CPLANE1: variants seen among roughly 807,000 people sequenced by gnomAD.
CPLANE1 encodes the protein ciliogenesis and planar polarity effector complex subunit 1, also known as ciliogenesis and planar polarity effector 1.
Under a neutral mutation model 362.5 loss-of-function variants are expected in CPLANE1, and 263 were observed. That is an observed-to-expected ratio of 0.73 (90% confidence interval 0.66 to 0.80). CPLANE1 has a LOEUF of 0.80. Ranked by LOEUF, CPLANE1 falls within the 30% of genes least tolerant of loss-of-function variation. The pLI, the probability that CPLANE1 is intolerant of heterozygous loss-of-function variation, is 0.00. For missense variants in CPLANE1, 3,461 were observed against 3,793.4 expected (o/e 0.91, Z 2.30); for synonymous variants, 1,212 against 1,302.6 (o/e 0.93, Z 1.50).
chr5:37,184,123 T>A (rs977437703), intron 25 of CPLANE1, among the ~76,000 whole-genome samples: 2 of 152,174 alleles, frequency 1.3e-5, no homozygotes, highest in African/African-American at 4.8e-5. Context: ...CCCGCTCAGC[T>A]CCCCTAATAC....
At chr5:37,119,493 A>C (rs1232312511) in intron 50 of CPLANE1, among the ~76,000 whole-genome samples, 3 of 151,754 alleles carry the variant, frequency 2.0e-5, no homozygotes, top group African/African-American at 7.3e-5. Context: ...CAACATGGAG[A>C]AACCCCATCT....
downstream of CPLANE1, among the ~76,000 whole-genome samples, chr5:37,103,791 T>C (rs1215049552): frequency 1.3e-5 from 2 of 152,214 alleles, no homozygotes; most frequent in African/African-American, 2.4e-5. Flanking sequence ...CTGGCTGCCC[T>C]TAACACTTTT....
At chr5:37,236,704 A>G (rs1291112064) in intron 8 of CPLANE1, among the ~76,000 whole-genome samples, 1 of 151,324 alleles carries the variant, frequency 6.6e-6, no homozygotes, top group East Asian at 1.9e-4. Flanking sequence ...TCTATGAGAA[A>G]CTAAGACAAC....
chr5:37,168,726 T>C, intron 34 of CPLANE1, 65 bp downstream of exon 34: 2 of 1,306,170 alleles, frequency 1.5e-6, no homozygotes, highest in Middle Eastern at 1.9e-4. Context: ...GACCATACAG[T>C]ACTTATGGTA....
chr5:37,201,619 T>C lies in CPLANE1; in HGVS notation c.3479A>G (p.Tyr1160Cys). 1 of 1,614,088 alleles carries C rather than the reference T, an allele frequency of 6.2e-7. No homozygotes were observed. The highest frequency in any genetic ancestry group is 1.1e-5 in the South Asian group (1 of 91,086). ...FGLYLPAPPLYCPQPAILSEE... is the reference protein window; with the variant it reads ...FGLYLPAPPLCCPQPAILSEE... The stretch of plus-strand genomic sequence containing the variant: ...ACTAAGAATAGCTGGCTGGGGACAG[T>C]ACAATGGAGGAGCTGGAAGATACAA... The change falls in exon 19 of 53, where the codon TAC becomes TGC. Residue 1160 changes from tyrosine to cysteine, a missense_variant. This residue lies in a region of CPLANE1 where 3,380 missense variants were observed against 3,666.1 expected (regional missense o/e 0.92). Coordinates refer to ENST00000651892, the MANE Select transcript of CPLANE1 (RefSeq NM_001384732.1).
intron 38 of CPLANE1, among the ~76,000 whole-genome samples, chr5:37,161,936 C>A (rs1776949071): frequency 6.6e-6 from 1 of 152,096 alleles, no homozygotes; most frequent in Admixed American, 6.6e-5. Flanking sequence ...TACTAAAAAT[C>A]ATAAAAAAGA....
At chr5:37,147,152 G>T (rs1350877350) in intron 43 of CPLANE1, among the ~76,000 whole-genome samples, 1 of 152,152 alleles carries the variant, frequency 6.6e-6, no homozygotes, top group African/African-American at 2.4e-5. Context: ...TTAGAAGCTT[G>T]ACCAAAGGGA....
In CPLANE1 at chr5:37,170,022, G is replaced by T. The variant is rs767021952; in HGVS notation, c.6462+19C>A. The T allele has an allele frequency of 5.0e-6, 8 of 1,606,518 alleles. No individual in the cohort carries two copies. The African/African-American group carries it at 6.7e-5, about 13-fold the overall frequency. ...GAGCCACCGCGCCCAGCCATTAATG[G>T]TATTTTTACATACATTACCTGTACG... On this transcript the variant is annotated intron_variant, in intron 33 of 52. Coordinates refer to ENST00000651892, the MANE Select transcript of CPLANE1 (RefSeq NM_001384732.1).
intron 51 of CPLANE1, among the ~76,000 whole-genome samples, chr5:37,114,684 T>C (rs1326715629): frequency 6.6e-6 from 1 of 152,042 alleles, no homozygotes. Flanking sequence ...CGGATCACCT[T>C]AGGTCAGGAG....
chr5:37,114,898 CAAAAA>C, intron 51 of CPLANE1, 57 bp downstream of exon 51: 2 of 859,194 alleles, frequency 2.3e-6, no homozygotes, highest in Non-Finnish European at 3.5e-6. Context: ...GACTCTGTCT[CAAAAA>C]AAAAAAAAAG....
chr5:37,209,459 A>G lies in CPLANE1; in HGVS notation c.2921-3034T>C. 7.7e-7 allele frequency: 1 copy of G among 1,299,858 alleles called. No homozygotes were observed. Among genetic ancestry groups the G allele is most frequent in the Non-Finnish European group, 1.1e-6 (1 of 895,516 alleles). The allele number at this position is 1,299,858 out of a possible 1,614,324, so 80.5% of individuals were successfully genotyped here. A position where few individuals can be genotyped will look rare whatever the true frequency, so the allele number is the denominator to read the frequency against. On this transcript the variant is annotated intron_variant, in intron 16 of 52. Transcript: ENST00000651892. The surrounding 1 kb of genome is among the most constrained non-coding windows in gnomAD (Gnocchi z 4.6). ...ACCAGACATTTAAGGATCGGGGTAT[A>G]CTGGAAACACTCAAGATACAACTTC... is the stretch of plus-strand genomic sequence containing the variant.
intron 29 of CPLANE1, among the ~76,000 whole-genome samples, chr5:37,178,623 A>T (rs1561509243): frequency 6.6e-6 from 1 of 152,058 alleles, no homozygotes; most frequent in Non-Finnish European, 1.5e-5. Flanking sequence ...CGAAAAAAAA[A>T]AACAAAAACA....
chr5:37,193,405 A>G (rs1786229887), intron 21 of CPLANE1, among the ~76,000 whole-genome samples: 3 of 152,166 alleles, frequency 2.0e-5, no homozygotes, highest in African/African-American at 7.2e-5. Context: ...CTGTAATCCC[A>G]GCACTTTCGG....
chr5:37,127,358 C>T (rs561701598), intron 46 of CPLANE1, among the ~76,000 whole-genome samples: 3 of 152,216 alleles, frequency 2.0e-5, no homozygotes. Context: ...TCCCTTTTTC[C>T]CTTTCAGGCA....
At chr5:37,117,396 G>T (rs550628142) in intron 50 of CPLANE1, among the ~76,000 whole-genome samples, 3 of 150,262 alleles carry the variant, frequency 2.0e-5, no homozygotes, top group Non-Finnish European at 2.9e-5. Context: ...AGGGTTCAAA[G>T]GACAGAAAAA....
chr5:37,211,010 T>G, intron 16 of CPLANE1: 5 of 796,900 alleles, frequency 6.3e-6, no homozygotes, highest in African/African-American at 1.7e-5. Context: ...TGAAGCAAAC[T>G]CAGACAGCCC....
intron 18 of CPLANE1, among the ~76,000 whole-genome samples, chr5:37,202,095 T>C (rs767695990): frequency 1.3e-5 from 2 of 151,364 alleles, no homozygotes; most frequent in East Asian, 1.9e-4. Flanking sequence ...AAAATATTAA[T>C]GGGAAAAGAA....
the CPLANE1 span, among the ~76,000 whole-genome samples, chr5:37,081,018 G>A: frequency 1.3e-5 from 2 of 152,082 alleles, no homozygotes; most frequent in African/African-American, 4.8e-5. Flanking sequence ...ACTATATAAA[G>A]AATACAGTAA....
chr5:37,207,941 GTTGT>G (rs1353640257), intron 16 of CPLANE1, among the ~76,000 whole-genome samples: 1 of 151,592 alleles, frequency 6.6e-6, no homozygotes, highest in Non-Finnish European at 1.5e-5. Flanking sequence ...TTTTGTTGTT[GTTGT>G]TTTTGTTTTG....
Sources: gnomAD v4.1 joint callset for allele counts (sites outside exome capture counted in the v4.1 genomes callset) on GRCh38, gnomAD v4.1.1 for gene constraint, gnomAD v4.1.1 regional missense constraint, Gnocchi (gnomAD v3.1) non-coding constraint, MANE v1.5 for transcripts, NCBI Gene and HGNC (gene_info 2026-07-23, HGNC 2026-07-21) for gene names.